The following DMD variants were observed in gnomAD, a reference collection of about 807,000 sequenced individuals.
DMD encodes the protein mutant dystrophin.
Under a neutral mutation model 330.1 loss-of-function variants are expected in DMD, and 63 were observed. The observed-to-expected ratio is 0.19, with a 90% confidence interval of 0.16 to 0.24. DMD has a LOEUF of 0.24. Among genes scored for constraint, DMD ranks in the 10% least tolerant of loss-of-function variants. DMD has a pLI of 1.00. For synonymous variants in DMD, 1,223 were observed against 959.8 expected (o/e 1.27, Z -5.07); for missense variants, 3,344 against 2,684.1 (o/e 1.25, Z -5.43).
chrX:32,945,110 A>G (rs1343894152), intron 2 of DMD, among the ~76,000 whole-genome samples: 3 of 111,039 alleles, frequency 2.7e-5, no homozygotes, highest in Non-Finnish European at 5.7e-5. Context: ...AGTAAATTAT[A>G]TGTCTAAAAT....
intron 51 of DMD, among the ~76,000 whole-genome samples, chrX:31,771,764 G>T (rs2099571475): frequency 8.9e-6 from 1 of 111,908 alleles, no homozygotes; most frequent in African/African-American, 3.2e-5. Context: ...GCCTCCCAAA[G>T]CGCTGGGAGT....
intron 17 of DMD, among the ~76,000 whole-genome samples, chrX:32,532,582 T>C (rs375018431): frequency 1.8e-5 from 2 of 112,442 alleles, no homozygotes; most frequent in Admixed American, 9.4e-5. Flanking sequence ...TAAAACTTAC[T>C]TCGTAATGCT....
At chrX:32,458,185 G>T (rs1014968023) in intron 25 of DMD, among the ~76,000 whole-genome samples, 2 of 110,506 alleles carry the variant, frequency 1.8e-5, no homozygotes, top group East Asian at 5.7e-4. Context: ...TTAAACCCAG[G>T]CGATCTGATC....
At chrX:31,372,970 CAA>C (rs1201526154) in intron 60 of DMD, among the ~76,000 whole-genome samples, 5 of 111,860 alleles carry the variant, frequency 4.5e-5, no homozygotes, top group Non-Finnish European at 9.4e-5. Context: ...GCAACTTCAG[CAA>C]AGTCTCAGGA....
At chrX:32,808,761 T>G (rs1172853626) in intron 7 of DMD, among the ~76,000 whole-genome samples, 3 of 111,631 alleles carry the variant, frequency 2.7e-5, no homozygotes, top group Non-Finnish European at 5.7e-5. Context: ...GATTTTAGAG[T>G]GTAGTAAAGC....
chrX:33,188,513 C>T (rs1395480785), intron 1 of DMD, among the ~76,000 whole-genome samples: 1 of 109,968 alleles, frequency 9.1e-6, no homozygotes. Flanking sequence ...AAAAAACAGA[C>T]TCTTAAGCAG....
intron 1 of DMD, among the ~76,000 whole-genome samples, chrX:33,310,196 C>A (rs1690765366): frequency 9.0e-6 from 1 of 111,081 alleles, no homozygotes; most frequent in African/African-American, 3.3e-5. Flanking sequence ...GAAGATATTC[C>A]AATACAGAAA....
rs1008634720 is a variant in DMD at position 32,861,040 on chromosome X, G to A, written c.94-11220C>T. Among the ~76,000 whole-genome samples the A allele has an allele frequency of 3.6e-5, 4 of 111,898 alleles. No homozygotes were observed. The East Asian group carries it at 1.1e-3, about 31-fold the overall frequency. On this transcript the variant is annotated intron_variant, in intron 2 of 78. Transcript: ENST00000357033. ...AGAATGTTGACTGTACACCCAGAAT[G>A]CCTTGGGTTCAACTCCCAGCTCTGC...
At chrX:32,711,045 T>A (rs1460486301) in intron 7 of DMD, among the ~76,000 whole-genome samples, 1 of 111,791 alleles carries the variant, frequency 8.9e-6, no homozygotes, top group African/African-American at 3.2e-5. Flanking sequence ...GACTAGATAT[T>A]AGCAACTTCA....
chrX:31,986,703 C>G (rs1427451887), intron 44 of DMD, among the ~76,000 whole-genome samples: 1 of 112,194 alleles, frequency 8.9e-6, no homozygotes, highest in African/African-American at 3.2e-5. Context: ...AGCCACTGTG[C>G]CCAGCTGTCT....
intron 17 of DMD, among the ~76,000 whole-genome samples, chrX:32,531,663 G>A (rs2047489207): frequency 9.0e-6 from 1 of 111,233 alleles, no homozygotes; most frequent in Non-Finnish European, 1.9e-5. Context: ...ACACAGTGAA[G>A]CACTGAGTCA....
intron 1 of DMD, among the ~76,000 whole-genome samples, chrX:33,233,459 T>A (rs1603422606): frequency 8.9e-6 from 1 of 112,230 alleles, no homozygotes; most frequent in South Asian, 3.7e-4. Context: ...CAACATATAT[T>A]AGTAATAAAA....
intron 53 of DMD, among the ~76,000 whole-genome samples, chrX:31,665,842 T>G (rs188015770): frequency 5.4e-5 from 6 of 111,856 alleles, no homozygotes; most frequent in Non-Finnish European, 1.1e-4. Context: ...TTTCCCCTCT[T>G]TACTTTCAGG....
At chrX:32,517,974 T>G (rs1312693387) in intron 18 of DMD, 34 bp downstream of exon 18, 4 of 1,200,695 alleles carry the variant, frequency 3.3e-6, no homozygotes, top group Non-Finnish European at 2.3e-6. Context: ...CAGCACAAAA[T>G]GAGTACAGAT....
At chrX:31,313,633 G>T (rs2055719021) in intron 62 of DMD, among the ~76,000 whole-genome samples, 1 of 110,352 alleles carries the variant, frequency 9.1e-6, no homozygotes, top group South Asian at 3.9e-4. Flanking sequence ...CCAAAGTAGT[G>T]CACCTTGTAC....
intron 1 of DMD, among the ~76,000 whole-genome samples, chrX:33,168,818 G>T (rs2049188875): frequency 1.8e-5 from 2 of 110,162 alleles, no homozygotes; most frequent in Admixed American, 1.9e-4. Flanking sequence ...AGGCGTAAAG[G>T]ATACAGTTAT....
chrX:32,670,877 G>A (rs990765260), intron 9 of DMD, among the ~76,000 whole-genome samples: 1 of 111,580 alleles, frequency 9.0e-6, no homozygotes, highest in East Asian at 2.8e-4. Context: ...CAGATTCTGT[G>A]AATGCCAAAA....
At chrX:31,822,653 GGTGTGTGT>G (rs1556919105) in intron 49 of DMD, among the ~76,000 whole-genome samples, 20 of 65,804 alleles carry the variant, frequency 3.0e-4, no homozygotes, top group Admixed American at 1.4e-3. Context: ...AAGGCAGAGG[GGTGTGTGT>G]GTGTGTGTGT....
chrX:31,962,458 C>T (rs935444607), intron 45 of DMD, among the ~76,000 whole-genome samples: 1 of 111,666 alleles, frequency 9.0e-6, no homozygotes, highest in African/African-American at 3.3e-5. Flanking sequence ...AAAATGCTGA[C>T]TGTTATTTAT....
Sources: allele counts gnomAD v4.1 joint callset (sites outside exome capture counted in the v4.1 genomes callset), GRCh38; gene constraint gnomAD v4.1.1; transcripts MANE v1.5; gene names NCBI Gene and HGNC (gene_info 2026-07-23, HGNC 2026-07-21).